Variants in IFI27 observed in about 807,000 individuals in gnomAD.
IFI27 encodes the protein interferon alpha inducible protein 27.
Under a neutral mutation model 8.9 loss-of-function variants are expected in IFI27, and 3 were observed. The ratio of observed to expected loss-of-function variants is 0.34; its 90% CI spans 0.15 to 0.87. The LOEUF (loss-of-function observed/expected upper bound fraction) is 0.87, where lower values mean the gene tolerates loss of function less well. Ranked by LOEUF, IFI27 falls within the 40% of genes least tolerant of loss-of-function variation. The pLI, the probability that IFI27 is intolerant of heterozygous loss-of-function variation, is 0.51. For synonymous variants in IFI27, 66 were observed against 67.3 expected (o/e 0.98, Z 0.09); for missense variants, 152 against 157.7 (o/e 0.96, Z 0.19).
At chr14:94,112,089 T>G in intron 2 of IFI27, 2 of 455,412 alleles carry the variant, frequency 4.4e-6, no homozygotes, top group Non-Finnish European at 8.0e-6. Context: ...TTCCCCCAGA[T>G]TCACCATCAG....
At chr14:94,108,288 G>T (rs145059241), upstream of IFI27, among the ~76,000 whole-genome samples, 1 of 152,068 alleles carries the variant, frequency 6.6e-6, no homozygotes, top group Non-Finnish European at 1.5e-5. Flanking sequence ...GAATAGTGCC[G>T]CAATAAACAT....
chr14:94,111,475 C>T lies in IFI27; in HGVS notation c.-58-150C>T, dbSNP rs962848579. 8.6e-6 allele frequency: 5 copies of T among 580,992 alleles called. No individual in the cohort carries two copies. The highest frequency in any genetic ancestry group is 7.5e-5 in the African/African-American group (4 of 53,586). The allele number at this position is 580,992 out of a possible 1,614,324, so 36.0% of individuals were successfully genotyped here. On this transcript the variant is annotated intron_variant, in intron 1 of 4. Transcript: ENST00000621160. This position sits in a 1 kb window ranked among gnomAD's most constrained non-coding sequence, Gnocchi z 4.3. ...CCCCAACTCCCCAACATCCCTCCCT[C>T]CCTCACCCCAGGATCCTTTCAAGGC... is the stretch of plus-strand genomic sequence containing the variant.
upstream of IFI27, among the ~76,000 whole-genome samples, chr14:94,108,008 G>T (rs1595402766): frequency 6.6e-6 from 1 of 152,078 alleles, no homozygotes; most frequent in East Asian, 1.9e-4. Context: ...TCCCCCAACA[G>T]GCCAAGTGTG....
rs879307084 is a variant in IFI27, at chr14:94,116,325, G to A, written c.284-117G>A. The A allele has an allele frequency of 2.6e-5, 19 of 719,152 alleles. No individual in the cohort carries two copies. The highest frequency in any genetic ancestry group is 4.4e-5 in the Non-Finnish European group (18 of 405,692). The allele number at this position is 719,152 out of a possible 1,614,324, so 44.5% of individuals were successfully genotyped here. On this transcript the variant is annotated intron_variant, in intron 4 of 4. Transcript: ENST00000621160. This position sits in a 1 kb window ranked among gnomAD's most constrained non-coding sequence, Gnocchi z 4.3. ...GGGAAACAGAGAGGGGAACTGGGTG[G>A]GGTCTGTAAGCCTCAGCCCCTGCTG... is the stretch of plus-strand genomic sequence containing the variant.
At chr14:94,115,084 G>A (rs557600398) in intron 3 of IFI27, among the ~76,000 whole-genome samples, 1 of 152,370 alleles carries the variant, frequency 6.6e-6, no homozygotes, top group East Asian at 1.9e-4. Flanking sequence ...GGGAGCTGGA[G>A]TGCGTGTGGG....
chr14:94,107,514 T>C (rs1191464466), upstream of IFI27, among the ~76,000 whole-genome samples: 1 of 152,344 alleles, frequency 6.6e-6, no homozygotes, highest in East Asian at 1.9e-4. Context: ...TTTCATAGTT[T>C]TGTGGCTCGC....
At chr14:94,112,261 A>C in intron 2 of IFI27, 1 of 160,748 alleles carries the variant, frequency 6.2e-6, no homozygotes, top group Non-Finnish European at 1.4e-5. Flanking sequence ...CTTCCTTTTC[A>C]CCCTCGATTC....
At position 94,111,763 on chromosome 14, in the gene IFI27, T is replaced by C. The variant is rs2139290042; in HGVS notation, c.81T>C (p.Val27=). 6.2e-7 allele frequency: 1 copy of C among 1,613,968 alleles called. No homozygotes were observed. Among genetic ancestry groups the C allele is most frequent in the Non-Finnish European group, 8.5e-7 (1 of 1,179,814 alleles). Residue 27 remains valine, a synonymous_variant, in exon 2 of 5, where the codon GTT becomes GTC. Transcript: ENST00000621160. This position sits in a 1 kb window ranked among gnomAD's most constrained non-coding sequence, Gnocchi z 4.3. ...GGGTGGCCTCTGGCTCTGCCGTAGTTTTGCCCCTGGGTGAGTGTTCCTGGG... is the reference window on the plus strand; with the variant it reads ...GGGTGGCCTCTGGCTCTGCCGTAGTCTTGCCCCTGGGTGAGTGTTCCTGGG...
upstream of IFI27, among the ~76,000 whole-genome samples, chr14:94,106,645 T>C (rs2139281302): frequency 6.6e-6 from 1 of 152,320 alleles, no homozygotes; most frequent in African/African-American, 2.4e-5. Flanking sequence ...AAGGCATACC[T>C]GAGACTGGAG....
At chr14:94,105,933 CTT>C (rs1401350635), upstream of IFI27, 1 of 152,202 alleles carries the variant, frequency 6.6e-6, no homozygotes, top group East Asian at 1.9e-4. Flanking sequence ...GCAAATATCT[CTT>C]TAAGATCCGG....
In IFI27 at chr14:94,116,267, A is replaced by G; in HGVS notation, c.284-175A>G. ...CACCATGGGGGTTCATGCCTGCAGC[A>G]GCCTCTCCCCAAACAAAGACCCCGA... On this transcript the variant is annotated intron_variant, in intron 4 of 4. Coordinates refer to ENST00000621160, the Ensembl canonical transcript of IFI27. The surrounding 1 kb of genome is among the most constrained non-coding windows in gnomAD (Gnocchi z 4.3). 1.6e-6 allele frequency: 1 copy of G among 645,138 alleles called. No individual in the cohort carries two copies. The highest frequency in any genetic ancestry group is 2.8e-6 in the Non-Finnish European group (1 of 359,518). 40.0% of individuals were successfully genotyped at this position (645,138 alleles called of 1,614,324 possible).
At chr14:94,108,633 C>T (rs1017688895), upstream of IFI27, among the ~76,000 whole-genome samples, 20 of 152,098 alleles carry the variant, frequency 1.3e-4, no homozygotes, top group Non-Finnish European at 4.4e-5. Flanking sequence ...CCCCGGGGGC[C>T]CTTCCCAGAG....
chr14:94,113,674 G>A (rs1341404299), intron 2 of IFI27: 1 of 152,174 alleles, frequency 6.6e-6, no homozygotes, highest in Non-Finnish European at 1.5e-5. Context: ...GTTCCTGAGG[G>A]CTTTTGTGTG....
upstream of IFI27, among the ~76,000 whole-genome samples, chr14:94,110,487 T>A (rs1887136423): frequency 6.6e-6 from 1 of 152,250 alleles, no homozygotes; most frequent in Admixed American, 6.5e-5. Flanking sequence ...TCATTCTGCG[T>A]AGAGCACACT....
In IFI27 at chr14:94,116,515, G is replaced by C; in HGVS notation, c.357G>C (p.Ala119=). 1 of 1,612,808 alleles carries C rather than the reference G, an allele frequency of 6.2e-7. No individual in the cohort carries two copies. The highest frequency in any genetic ancestry group is 8.5e-7 in the Non-Finnish European group (1 of 1,179,410). Residue 119 remains alanine, a synonymous_variant, in exon 5 of 5, where the codon GCG becomes GCC. Transcript: ENST00000621160. This position sits in a 1 kb window ranked among gnomAD's most constrained non-coding sequence, Gnocchi z 4.3. ...GGTCTGCCATTGCGGCTGTCATTGC[G>C]AGGTTCTACTAGCTCCCTGCCCCTC...
exon 4 of IFI27, chr14:94,115,823 G>A: frequency 6.2e-7 from 1 of 1,607,100 alleles, no homozygotes; most frequent in Non-Finnish European, 8.5e-7. Context: ...AGTGCCATGG[G>A]CTTCACTGCG....
At chr14:94,112,482 T>C (rs1887229622) in intron 2 of IFI27, among the ~76,000 whole-genome samples, 1 of 152,234 alleles carries the variant, frequency 6.6e-6, no homozygotes, top group Non-Finnish European at 1.5e-5. Flanking sequence ...TAATCCTGGC[T>C]TCTACCTGCT....
upstream of IFI27, chr14:94,110,657 T>C (rs1307215435): frequency 6.6e-6 from 1 of 152,186 alleles, no homozygotes; most frequent in Non-Finnish European, 1.5e-5. Context: ...GAAACCTATC[T>C]CATTTGTTGC....
chr14:94,107,323 G>A (rs182018692), upstream of IFI27, among the ~76,000 whole-genome samples: 380 of 152,196 alleles, frequency 2.5e-3, 9 homozygotes, highest in South Asian at 0.053. Context: ...TGCCTGCCTC[G>A]GCTTCCCAAA....
Sources: allele counts gnomAD v4.1 joint callset (sites outside exome capture counted in the v4.1 genomes callset), GRCh38; gene constraint gnomAD v4.1.1; non-coding constraint Gnocchi (gnomAD v3.1); transcripts MANE v1.5; gene names NCBI Gene and HGNC (gene_info 2026-07-23, HGNC 2026-07-21).